The following SYT9 variants were observed in gnomAD, a reference collection of about 807,000 sequenced individuals.
SYT9 encodes synaptotagmin-9.
SYT9 carries 22 observed loss-of-function variants against 48.4 expected under a neutral mutation model. The observed-to-expected ratio is 0.45, with a 90% CI of 0.32 to 0.65. The LOEUF (loss-of-function observed/expected upper bound fraction) is 0.65, where lower values mean the gene tolerates loss of function less well. SYT9 is among the 30% of genes least tolerant of loss of function. The pLI is 0.03. For synonymous variants in SYT9, 265 were observed against 245.0 expected, an observed-to-expected ratio of 1.08 and a Z score of -0.76; for missense variants, 577 against 622.0, an observed-to-expected ratio of 0.93 and a Z score of 0.77.
chr11:7,352,242 C>T (rs1564872918), intron 3 of SYT9, among the ~76,000 whole-genome samples: 2 of 152,146 alleles, frequency 1.3e-5, no homozygotes, highest in African/African-American at 4.8e-5. Flanking sequence ...GAAGCATAAA[C>T]TCATATTAGG....
intron 3 of SYT9, among the ~76,000 whole-genome samples, chr11:7,315,324 A>G (rs1490391265): frequency 6.6e-6 from 1 of 152,212 alleles, no homozygotes; most frequent in Non-Finnish European, 1.5e-5. Context: ...TCAGGAAGCA[A>G]CATGAGAAGG....
intron 6 of SYT9, chr11:7,435,623 T>G (rs1847689827): frequency 6.6e-6 from 1 of 152,246 alleles, no homozygotes; most frequent in Admixed American, 6.5e-5. Flanking sequence ...GGATAGTCTC[T>G]GCACTTTAAA....
intron 3 of SYT9, among the ~76,000 whole-genome samples, chr11:7,379,722 T>C (rs896388420): frequency 2.0e-5 from 3 of 152,156 alleles, no homozygotes; most frequent in African/African-American, 4.8e-5. Context: ...TCATGGTGGT[T>C]ACTCAACTGT....
chr11:7,344,108 A>T (rs898824626), intron 3 of SYT9, among the ~76,000 whole-genome samples: 3 of 152,164 alleles, frequency 2.0e-5, no homozygotes, highest in African/African-American at 7.2e-5. Flanking sequence ...ATGGCAGAAG[A>T]GGGGAAGAGA....
At chr11:7,324,065 A>C (rs564119047) in intron 3 of SYT9, among the ~76,000 whole-genome samples, 1 of 152,074 alleles carries the variant, frequency 6.6e-6, no homozygotes, top group East Asian at 1.9e-4. Flanking sequence ...TTTCTGGGTC[A>C]GATATTTACT....
At chr11:7,374,878 C>T (rs371237810) in intron 3 of SYT9, among the ~76,000 whole-genome samples, 3 of 152,252 alleles carry the variant, frequency 2.0e-5, no homozygotes, top group Middle Eastern at 3.4e-3. Flanking sequence ...GTTGCCTGTT[C>T]ACTCTGATGA....
intron 3 of SYT9, among the ~76,000 whole-genome samples, chr11:7,339,545 TG>T (rs1309323243): frequency 6.6e-6 from 1 of 152,194 alleles, no homozygotes; most frequent in Non-Finnish European, 1.5e-5. Context: ...AAGGCAGGTC[TG>T]GTGATAACAG....
At chr11:7,299,904 T>C (rs890091157) in intron 1 of SYT9, among the ~76,000 whole-genome samples, 4 of 152,192 alleles carry the variant, frequency 2.6e-5, no homozygotes, top group South Asian at 2.1e-4. Flanking sequence ...GCATGCTATC[T>C]ATGCCAAGTG....
intron 3 of SYT9, among the ~76,000 whole-genome samples, chr11:7,368,180 T>C (rs774802998): frequency 6.6e-6 from 1 of 152,228 alleles, no homozygotes; most frequent in Non-Finnish European, 1.5e-5. Flanking sequence ...TTTTCCCAAA[T>C]ACTAAGTTAT....
chr11:7,299,798 T>C (rs950520499), intron 1 of SYT9, among the ~76,000 whole-genome samples: 1 of 152,208 alleles, frequency 6.6e-6, no homozygotes, highest in Non-Finnish European at 1.5e-5. Context: ...TGTGAGTGCA[T>C]GAGCTGTAGT....
At chr11:7,343,660 C>T (rs1424723398) in intron 3 of SYT9, among the ~76,000 whole-genome samples, 1 of 152,188 alleles carries the variant, frequency 6.6e-6, no homozygotes, top group Admixed American at 6.5e-5. Context: ...CTGCCCGTTA[C>T]CCAGTTCCAA....
rs536723992 is a variant in SYT9 at position 7,429,088 on chromosome 11, A to G, written c.1467+8453A>G. Among the ~76,000 whole-genome samples, 158 of 152,308 alleles carry G rather than the reference A, an allele frequency of 1.0e-3. 1 individual carries two copies. Among genetic ancestry groups the G allele is most frequent in the South Asian group, 1.5e-3 (7 of 4,818 alleles). ...AAAGATCCTGCCCAGTCCTGTGGGC[A>G]CCCATACACCGACAGAGTGAATATT... On this transcript the variant is annotated intron_variant, in intron 6 of 6. Coordinates refer to ENST00000318881, the MANE Select transcript of SYT9 (RefSeq NM_175733.4).
intron 6 of SYT9, among the ~76,000 whole-genome samples, chr11:7,430,945 G>A (rs1005168043): frequency 6.6e-6 from 1 of 152,192 alleles, no homozygotes; most frequent in Non-Finnish European, 1.5e-5. Flanking sequence ...AAGAAAAGCA[G>A]TACCAGAAGT....
intron 1 of SYT9, among the ~76,000 whole-genome samples, chr11:7,271,518 G>T (rs1394766961): frequency 6.6e-6 from 1 of 152,174 alleles, no homozygotes; most frequent in East Asian, 1.9e-4. Flanking sequence ...CCTGATTTCA[G>T]TCCTACATAG....
chr11:7,416,917 C>T (rs1007605104), intron 4 of SYT9, among the ~76,000 whole-genome samples: 2 of 152,108 alleles, frequency 1.3e-5, no homozygotes, highest in Non-Finnish European at 2.9e-5. Context: ...AGACTGAGAA[C>T]AATCCTATGT....
intron 2 of SYT9, among the ~76,000 whole-genome samples, chr11:7,308,221 C>A (rs1849067478): frequency 6.6e-6 from 1 of 152,180 alleles, no homozygotes; most frequent in Non-Finnish European, 1.5e-5. Context: ...GGAAAGAAAC[C>A]AGTAACATTT....
intron 3 of SYT9, among the ~76,000 whole-genome samples, chr11:7,387,047 G>A (rs183580170): frequency 1.5e-3 from 226 of 152,192 alleles, no homozygotes; most frequent in African/African-American, 5.1e-3. Flanking sequence ...CTATCGCAAG[G>A]ACAAAAAACC....
At chr11:7,308,298 C>T (rs757926853) in intron 2 of SYT9, among the ~76,000 whole-genome samples, 15 of 152,152 alleles carry the variant, frequency 9.9e-5, no homozygotes, top group African/African-American at 2.4e-4. Context: ...CACTGGTGCC[C>T]GAGAACCAGG....
intron 1 of SYT9, among the ~76,000 whole-genome samples, chr11:7,297,108 G>C (rs1458934851): frequency 3.9e-5 from 6 of 151,994 alleles, no homozygotes; most frequent in Non-Finnish European, 8.8e-5. Context: ...GAGACAGAGA[G>C]AGAGAGAGAG....
Sources: gnomAD v4.1 joint callset for allele counts (sites outside exome capture counted in the v4.1 genomes callset) on GRCh38, gnomAD v4.1.1 for gene constraint, MANE v1.5 for transcripts, NCBI Gene and HGNC (gene_info 2026-07-23, HGNC 2026-07-21) for gene names.